OGG1: variants seen among roughly 807,000 people sequenced by gnomAD.
OGG1 encodes N-glycosylase/DNA lyase.
A neutral mutation model predicts 42.3 loss-of-function variants in OGG1; 35 were observed. The observed-to-expected ratio is 0.83, with a 90% CI of 0.63 to 1.10. The LOEUF is 1.10. OGG1 is among the 50% of genes least tolerant of loss of function. The pLI is 0.00. For synonymous variants in OGG1, 189 were observed against 179.0 expected, an observed-to-expected ratio of 1.06 and a Z score of -0.44; for missense variants, 484 against 446.7, an observed-to-expected ratio of 1.08 and a Z score of -0.75.
In OGG1 at chr3:9,754,881, C is replaced by G; in HGVS notation, c.743C>G (p.Thr248Ser). Residue 248 changes from threonine to serine, a missense_variant, in exon 4 of 7, where the codon ACC becomes AGC. Coordinates refer to ENST00000344629, the MANE Select transcript of OGG1 (RefSeq NM_002542.6). The part of the protein sequence containing the change: ...KALCILPGVG[T>S]KVADCICLMA... ...CTCTGCATCCTGCCTGGAGTGGGCA[C>G]CAAGGTGAGGCCCCAGGGGGTAGGA... 1.9e-6 allele frequency: 3 copies of G among 1,591,610 alleles called. No individual in the cohort carries two copies. Among genetic ancestry groups the G allele is most frequent in the Non-Finnish European group, 1.7e-6 (2 of 1,168,334 alleles).
chr3:9,760,594 C>T, downstream of OGG1: 2 of 1,572,028 alleles, frequency 1.3e-6, no homozygotes, highest in Admixed American at 1.7e-5. Context: ...AGACCGCCCC[C>T]AAAGCAGGTG....
At chr3:9,788,617 G>A (rs1031131857), downstream of OGG1, among the ~76,000 whole-genome samples, 1 of 151,444 alleles carries the variant, frequency 6.6e-6, no homozygotes, top group Non-Finnish European at 1.5e-5. Flanking sequence ...TTGGCTCATT[G>A]CAACCGATGC....
intron 2 of OGG1, among the ~76,000 whole-genome samples, chr3:9,776,614 C>T (rs1485218193): frequency 6.6e-6 from 1 of 152,264 alleles, no homozygotes; most frequent in South Asian, 2.1e-4. Flanking sequence ...TAGTCTCGAT[C>T]TCCTGACCTC....
At chr3:9,764,578 C>A (rs1469005081) in intron 7 of OGG1, among the ~76,000 whole-genome samples, 2 of 145,804 alleles carry the variant, frequency 1.4e-5, no homozygotes, top group Non-Finnish European at 3.0e-5. Context: ...TCTCAAAGTG[C>A]TGGGATTACA....
rs1559677642 is a variant in OGG1 at position 9,750,179 on chromosome 3, G to T, written c.-108G>T. 1 of 1,379,118 alleles carries T rather than the reference G, an allele frequency of 7.3e-7. No homozygotes were observed. The highest frequency in any genetic ancestry group is 9.8e-7 in the Non-Finnish European group (1 of 1,015,938). The allele number at this position is 1,379,118 out of a possible 1,614,324, so 85.4% of individuals were successfully genotyped here. ...GGAAGGTTGTTAAACAGCACCGTGTGGGCGAGGCCTTAAGGGTCGTGGTCC... is the reference window on the plus strand; with the variant it reads ...GGAAGGTTGTTAAACAGCACCGTGTTGGCGAGGCCTTAAGGGTCGTGGTCC... On this transcript the variant is annotated 5_prime_UTR_variant, in exon 1 of 7. Transcript: ENST00000344629.
rs773905497 is a variant in OGG1 at position 9,756,470 on chromosome 3, G to A, written c.748-1G>A. 6 of 1,614,050 alleles carry A rather than the reference G, an allele frequency of 3.7e-6. No individual in the cohort carries two copies. The highest frequency in any genetic ancestry group is 1.3e-5 in the African/African-American group (1 of 74,946). On this transcript the variant is annotated splice_acceptor_variant, in intron 4 of 6. Coordinates refer to ENST00000344629, the MANE Select transcript of OGG1 (RefSeq NM_002542.6). LOFTEE classifies it high-confidence loss of function. The stretch of plus-strand genomic sequence containing the variant: ...AAGGGCTCATTCTGTGTCTGTCAAA[G>A]GTGGCTGACTGCATCTGCCTGATGG...
intron 5 of OGG1, 71 bp downstream of exon 5, chr3:9,756,692 T>G (rs1009569377): frequency 1.2e-6 from 2 of 1,613,172 alleles, no homozygotes; most frequent in Non-Finnish European, 1.7e-6. Context: ...CTTAGTCACC[T>G]CTCCCTCAGA....
chr3:9,759,103 C>G (rs1321798576), downstream of OGG1: 3 of 1,138,608 alleles, frequency 2.6e-6, no homozygotes, highest in African/African-American at 4.6e-5. Context: ...CCCCTCCAGT[C>G]TGGCCAGGCT....
intron 3 of OGG1, chr3:9,787,338 G>C: frequency 6.2e-7 from 1 of 1,607,488 alleles, no homozygotes; most frequent in South Asian, 1.1e-5. Context: ...CCAGGGGTGG[G>C]ATCTGTGGAA....
chr3:9,766,118 A>G, exon 8 of OGG1: 4 of 1,264,574 alleles, frequency 3.2e-6, no homozygotes, highest in Non-Finnish European at 4.5e-6. Context: ...GATGCAAGCC[A>G]GCTTACTAGC....
At chr3:9,790,335 C>G (rs780548213), downstream of OGG1, among the ~76,000 whole-genome samples, 1 of 152,236 alleles carries the variant, frequency 6.6e-6, no homozygotes, top group Non-Finnish European at 1.5e-5. Flanking sequence ...TGCTAAAATA[C>G]AACTTGAGTC....
At chr3:9,776,497 C>T (rs1032968492) in intron 2 of OGG1, among the ~76,000 whole-genome samples, 12 of 150,974 alleles carry the variant, frequency 7.9e-5, no homozygotes, top group African/African-American at 2.9e-4. Context: ...TCACGCCATG[C>T]TCCTGCCTCA....
chr3:9,771,957 C>T (rs2078307534), intron 2 of OGG1, among the ~76,000 whole-genome samples: 1 of 151,826 alleles, frequency 6.6e-6, no homozygotes, highest in South Asian at 2.1e-4. Flanking sequence ...TCTGGGACTA[C>T]AGGCGTGAAC....
intron 3 of OGG1, chr3:9,785,513 C>T (rs1387725640): frequency 1.2e-6 from 1 of 851,590 alleles, no homozygotes; most frequent in Admixed American, 2.3e-5. Context: ...CTTCAAACAC[C>T]AGAAATATCC....
At chr3:9,774,048 A>G (rs2078334853) in intron 2 of OGG1, among the ~76,000 whole-genome samples, 1 of 152,164 alleles carries the variant, frequency 6.6e-6, no homozygotes, top group African/African-American at 2.4e-5. Context: ...CTATTGAAAG[A>G]GTGAGTAGTT....
chr3:9,757,181 A>G lies in OGG1; in HGVS notation c.*31A>G. The G allele has an allele frequency of 6.2e-7, 1 of 1,613,924 alleles. No individual in the cohort carries two copies. The highest frequency in any genetic ancestry group is 8.5e-7 in the Non-Finnish European group (1 of 1,179,902). ...GCACCCTGGACAAAGAAATTCCCCAAGCACCTTCCCCTCCATTCCCCACTT... is the reference window on the plus strand; with the variant it reads ...GCACCCTGGACAAAGAAATTCCCCAGGCACCTTCCCCTCCATTCCCCACTT... On this transcript the variant is annotated 3_prime_UTR_variant, in exon 7 of 7. Coordinates refer to ENST00000344629, the MANE Select transcript of OGG1 (RefSeq NM_002542.6). The surrounding 1 kb of genome is among the most constrained non-coding windows in gnomAD (Gnocchi z 4.5).
downstream of OGG1, chr3:9,761,328 G>T: frequency 1.2e-6 from 1 of 855,074 alleles, no homozygotes; most frequent in Non-Finnish European, 1.8e-6. Context: ...AAGTAATACT[G>T]GTAATTGATT....
At chr3:9,771,073 G>A (rs2078290376), downstream of OGG1, among the ~76,000 whole-genome samples, 2 of 150,684 alleles carry the variant, frequency 1.3e-5, no homozygotes, top group South Asian at 4.2e-4. Flanking sequence ...TGTCACCCAG[G>A]CTGGAGTGCA....
chr3:9,788,066 G>A (rs973200202), exon 4 of OGG1: 7 of 258,222 alleles, frequency 2.7e-5, no homozygotes, highest in South Asian at 1.3e-4. Context: ...ACTGGGATGC[G>A]TGGACTTGAT....
Sources: gnomAD v4.1 joint callset for allele counts (sites outside exome capture counted in the v4.1 genomes callset) on GRCh38, gnomAD v4.1.1 for gene constraint, Gnocchi (gnomAD v3.1) non-coding constraint, MANE v1.5 for transcripts, NCBI Gene and HGNC (gene_info 2026-07-23, HGNC 2026-07-21) for gene names.